Variants in COL19A1 observed in about 807,000 individuals in gnomAD.
COL19A1 encodes the protein collagen alpha-1(XIX) chain.
In COL19A1, 159 loss-of-function variants were observed where a neutral mutation model predicts 190.2. The ratio of observed to expected loss-of-function variants is 0.84; its 90% CI spans 0.73 to 0.95. The LOEUF is 0.95. Ranked by LOEUF, COL19A1 falls within the 40% of genes least tolerant of loss-of-function variation. The pLI, the probability that COL19A1 is intolerant of heterozygous loss-of-function variation, is 0.00. For synonymous variants in COL19A1, 509 were observed against 458.9 expected (o/e 1.11, Z -1.39); for missense variants, 1,418 against 1,431.9 (o/e 0.99, Z 0.16).
intron 16 of COL19A1, among the ~76,000 whole-genome samples, chr6:70,120,112 T>C (rs1305731198): frequency 2.0e-5 from 3 of 151,670 alleles, no homozygotes; most frequent in Non-Finnish European, 1.5e-5. Context: ...ACAAAAAGAG[T>C]TTGCTATTAT....
chr6:70,177,404 C>G (rs1195452197), intron 42 of COL19A1, among the ~76,000 whole-genome samples: 5 of 152,066 alleles, frequency 3.3e-5, no homozygotes, highest in Non-Finnish European at 5.9e-5. Context: ...CAACACCACC[C>G]AAAGCCCTGC....
At chr6:70,027,302 C>T (rs1439615257) in intron 12 of COL19A1, among the ~76,000 whole-genome samples, 2 of 152,094 alleles carry the variant, frequency 1.3e-5, no homozygotes, top group Non-Finnish European at 2.9e-5. Flanking sequence ...TTTGTGCCAG[C>T]TTTCTCACAA....
chr6:70,035,134 A>G (rs959957129), intron 13 of COL19A1, among the ~76,000 whole-genome samples: 18 of 152,210 alleles, frequency 1.2e-4, no homozygotes, highest in African/African-American at 3.9e-4. Context: ...ACCCCACGCT[A>G]TACAGTACAG....
chr6:70,049,485 A>C (rs921978619), intron 14 of COL19A1, among the ~76,000 whole-genome samples: 2 of 152,038 alleles, frequency 1.3e-5, no homozygotes, highest in African/African-American at 4.8e-5. Flanking sequence ...TTTTGGAAAA[A>C]CTTACAGTTG....
intron 18 of COL19A1, among the ~76,000 whole-genome samples, chr6:70,130,849 T>G (rs758251789): frequency 2.6e-4 from 40 of 152,128 alleles, no homozygotes; most frequent in Non-Finnish European, 4.7e-4. Flanking sequence ...GCAAAAACAA[T>G]CTGAAGACCC....
intron 12 of COL19A1, among the ~76,000 whole-genome samples, chr6:70,034,030 A>C (rs1177646897): frequency 6.6e-6 from 1 of 152,196 alleles, no homozygotes; most frequent in Non-Finnish European, 1.5e-5. Flanking sequence ...ACAAATATGC[A>C]GTATTGAGGA....
At chr6:70,041,638 C>G (rs1779637527) in intron 14 of COL19A1, among the ~76,000 whole-genome samples, 1 of 152,100 alleles carries the variant, frequency 6.6e-6, no homozygotes, top group Non-Finnish European at 1.5e-5. Flanking sequence ...AGCTAATATT[C>G]AACTGCCCAT....
chr6:70,005,766 G>T (rs1211332877), intron 11 of COL19A1, among the ~76,000 whole-genome samples: 1 of 152,178 alleles, frequency 6.6e-6, no homozygotes, highest in Non-Finnish European at 1.5e-5. Flanking sequence ...GAATGGTTAA[G>T]TCTGCTGGTC....
At chr6:70,003,271 A>T (rs1173850007) in intron 11 of COL19A1, among the ~76,000 whole-genome samples, 23 of 152,278 alleles carry the variant, frequency 1.5e-4, no homozygotes, top group Non-Finnish European at 2.1e-4. Flanking sequence ...GCATTTGCTG[A>T]GGAGTGTTTT....
chr6:70,016,831 A>C (rs1269842012), intron 11 of COL19A1, among the ~76,000 whole-genome samples: 1 of 152,104 alleles, frequency 6.6e-6, no homozygotes, highest in East Asian at 1.9e-4. Context: ...CTATACATCC[A>C]CTAAAATGGC....
At chr6:70,038,182 G>A (rs146907472) in intron 14 of COL19A1, among the ~76,000 whole-genome samples, 2 of 152,344 alleles carry the variant, frequency 1.3e-5, no homozygotes, top group East Asian at 3.9e-4. Context: ...AAATGAGGCA[G>A]TGATATATTG....
At chr6:70,092,350 A>T (rs150064105) in intron 15 of COL19A1, among the ~76,000 whole-genome samples, 235 of 152,266 alleles carry the variant, frequency 1.5e-3, no homozygotes, top group African/African-American at 5.4e-3. Flanking sequence ...TAACCAAATG[A>T]ACAAGTCTGT....
At chr6:70,201,933 A>G (rs1767578423) in intron 49 of COL19A1, among the ~76,000 whole-genome samples, 1 of 152,198 alleles carries the variant, frequency 6.6e-6, no homozygotes, top group African/African-American at 2.4e-5. Flanking sequence ...TAGTACATAA[A>G]TAGGTGTGAC....
chr6:69,915,090 A>C (rs1465728760), intron 4 of COL19A1, among the ~76,000 whole-genome samples: 2 of 152,232 alleles, frequency 1.3e-5, no homozygotes, highest in Non-Finnish European at 1.5e-5. Flanking sequence ...GTTACTACAC[A>C]GAGACGTAAC....
intron 36 of COL19A1, 131 bp downstream of exon 36, chr6:70,163,527 C>A: frequency 2.6e-6 from 2 of 765,182 alleles, no homozygotes; most frequent in Non-Finnish European, 4.2e-6. Flanking sequence ...AGTACCTATT[C>A]TTGTAGTGGA....
intron 23 of COL19A1, among the ~76,000 whole-genome samples, chr6:70,143,266 CT>C (rs1489609725): frequency 6.6e-6 from 1 of 152,138 alleles, no homozygotes; most frequent in Non-Finnish European, 1.5e-5. Context: ...AAAAGCAAGT[CT>C]TTTGGCTAAA....
At chr6:69,886,602 T>C (rs1466552574) in intron 2 of COL19A1, among the ~76,000 whole-genome samples, 2 of 150,862 alleles carry the variant, frequency 1.3e-5, no homozygotes, top group Non-Finnish European at 3.0e-5. Flanking sequence ...GATGGATGAA[T>C]GGAAAAAGCA....
At chr6:70,176,634 G>T (rs1765822965) in intron 42 of COL19A1, 70 bp downstream of exon 42, 3 of 1,512,692 alleles carry the variant, frequency 2.0e-6, no homozygotes, top group Non-Finnish European at 2.7e-6. Context: ...CCTGTGGCCA[G>T]GGATCAAGAC....
intron 11 of COL19A1, among the ~76,000 whole-genome samples, chr6:69,995,744 T>G (rs529173868): frequency 2.2e-4 from 33 of 152,310 alleles, no homozygotes; most frequent in African/African-American, 7.2e-4. Context: ...GATTCTCATA[T>G]ATGAAATATG....
Sources: allele counts gnomAD v4.1 joint callset (sites outside exome capture counted in the v4.1 genomes callset), GRCh38; gene constraint gnomAD v4.1.1; transcripts MANE v1.5; gene names NCBI Gene and HGNC (gene_info 2026-07-23, HGNC 2026-07-21).